The following CSDE1 variants were observed in gnomAD, a reference collection of about 807,000 sequenced individuals.
The protein encoded by CSDE1 is cold shock domain containing E1.
In CSDE1, 17 loss-of-function variants were observed where a neutral mutation model predicts 89.3. The observed-to-expected ratio is 0.19, with a 90% CI of 0.13 to 0.29. The LOEUF (loss-of-function observed/expected upper bound fraction) is 0.29. Among genes scored for constraint, CSDE1 ranks in the 10% least tolerant of loss-of-function variants. The probability of loss-of-function intolerance (pLI) is 1.00; values close to 1 mark genes in which losing one functional copy is unlikely to be tolerated. For synonymous variants in CSDE1, 322 were observed against 332.8 expected (o/e 0.97, Z 0.35); for missense variants, 672 against 984.2 (o/e 0.68, Z 4.24).
intron 4 of CSDE1, 35 bp downstream of exon 4, chr1:114,737,928 G>C (rs750181776): frequency 7.4e-7 from 1 of 1,349,100 alleles, no homozygotes; most frequent in African/African-American, 1.4e-5. Context: ...CAAATGCAGG[G>C]CCCTAAAAAA....
At chr1:114,745,017 A>G (rs1362729384) in intron 2 of CSDE1, among the ~76,000 whole-genome samples, 1 of 151,764 alleles carries the variant, frequency 6.6e-6, no homozygotes, top group African/African-American at 2.4e-5. Context: ...AAAAACTTGA[A>G]TTTTTGCAAT....
chr1:114,737,451 A>G lies in CSDE1; in HGVS notation c.402+20T>C, dbSNP rs1213400464. 3.1e-6 allele frequency: 5 copies of G among 1,587,544 alleles called. No homozygotes were observed. The highest frequency in any genetic ancestry group is 3.5e-6 in the Non-Finnish European group (4 of 1,156,670). On this transcript the variant is annotated intron_variant, in intron 5 of 19. Transcript: ENST00000358528. ...ACATGGTGGATCAGGCAAAGGTTTA[A>G]GAAAAATACACAAGTTTACCCCATT...
chr1:114,753,077 T>C (rs1661393045), intron 1 of CSDE1, among the ~76,000 whole-genome samples: 1 of 152,196 alleles, frequency 6.6e-6, no homozygotes, highest in South Asian at 2.1e-4. Flanking sequence ...AATTATCCAA[T>C]CAAGAAATAA....
intron 15 of CSDE1, 199 bp from the exon 16 acceptor site, chr1:114,724,201 C>T (rs1659678260): frequency 5.3e-6 from 2 of 376,894 alleles, no homozygotes; most frequent in South Asian, 5.5e-5. Flanking sequence ...TACCAAAATG[C>T]CTGCTTTTCC....
intron 6 of CSDE1, among the ~76,000 whole-genome samples, chr1:114,734,797 C>T (rs572948417): frequency 6.6e-6 from 1 of 152,166 alleles, no homozygotes; most frequent in Non-Finnish European, 1.5e-5. Flanking sequence ...TACAAACTTA[C>T]ACATGGGTGC....
At chr1:114,736,356 T>C (rs1409661235) in intron 6 of CSDE1, among the ~76,000 whole-genome samples, 1 of 152,234 alleles carries the variant, frequency 6.6e-6, no homozygotes, top group East Asian at 1.9e-4. Context: ...CATAGAAGAA[T>C]GCTCAAACTT....
intron 10 of CSDE1, among the ~76,000 whole-genome samples, chr1:114,731,326 C>G (rs1660085498): frequency 6.6e-6 from 1 of 151,514 alleles, no homozygotes; most frequent in South Asian, 2.1e-4. Context: ...CTTGCCAAGT[C>G]CTGACAGTAG....
At chr1:114,757,666 C>CACCACCACCACT (rs1661687861) in intron 1 of CSDE1, among the ~76,000 whole-genome samples, 3 of 152,086 alleles carry the variant, frequency 2.0e-5, no homozygotes, top group African/African-American at 2.4e-5. Context: ...CCACTTTAGT[C>CACCACCACCACT]ACCACCACCA....
intron 19 of CSDE1, 52 bp from the exon 20 acceptor site, chr1:114,718,268 CA>C (rs1553245357): frequency 1.3e-6 from 2 of 1,553,082 alleles, no homozygotes; most frequent in Middle Eastern, 3.4e-4. Context: ...GAGCGCACAA[CA>C]ATCATAGTAC....
At chr1:114,726,123 A>G in intron 14 of CSDE1, 88 bp downstream of exon 14, 1 of 1,299,390 alleles carries the variant, frequency 7.7e-7, no homozygotes, top group Non-Finnish European at 1.1e-6. Context: ...CTCAACAAGT[A>G]TAATCAATCA....
At chr1:114,741,316 A>T (rs892240348) in intron 2 of CSDE1, among the ~76,000 whole-genome samples, 1 of 152,212 alleles carries the variant, frequency 6.6e-6, no homozygotes, top group Non-Finnish European at 1.5e-5. Context: ...TTAAGATCCA[A>T]GGTGATAATA....
rs1199513211 is a variant in CSDE1 at position 114,717,661 on chromosome 1, G to GT, written c.*507dup. 1.3e-5 allele frequency: 2 copies of GT among 152,688 alleles called. No homozygotes were observed. Among genetic ancestry groups the GT allele is most frequent in the African/African-American group, 4.8e-5 (2 of 41,424 alleles). 9.5% of individuals were successfully genotyped at this position (152,688 alleles called of 1,614,324 possible). ...AAATGGTTTGCCTATACAAATTTTT[G>GT]TAATTTTTAAAAGATAATATATTCT... On this transcript the variant is annotated 3_prime_UTR_variant, in exon 20 of 20. Coordinates refer to ENST00000358528, the MANE Select transcript of CSDE1 (RefSeq NM_001007553.3).
intron 6 of CSDE1, among the ~76,000 whole-genome samples, chr1:114,735,114 T>A (rs1660327341): frequency 6.6e-6 from 1 of 152,190 alleles, no homozygotes. Flanking sequence ...AGTAATGATA[T>A]CCACCTCCAT....
chr1:114,741,843 A>T (rs569373643), intron 2 of CSDE1, among the ~76,000 whole-genome samples: 132 of 152,312 alleles, frequency 8.7e-4, no homozygotes, highest in African/African-American at 3.1e-3. Flanking sequence ...TATTTTTTTT[A>T]AAGCCATTAA....
intron 7 of CSDE1, 73 bp downstream of exon 7, chr1:114,734,369 C>CA: frequency 8.1e-7 from 1 of 1,234,596 alleles, no homozygotes; most frequent in Non-Finnish European, 1.1e-6. Flanking sequence ...AAAAAAAAAA[C>CA]AAAGGCTGGA....
chr1:114,752,456 A>G (rs1661358204), intron 1 of CSDE1, among the ~76,000 whole-genome samples: 1 of 152,084 alleles, frequency 6.6e-6, no homozygotes. Flanking sequence ...GTTAGGTGCC[A>G]GGCCTTGTTA....
At chr1:114,743,683 T>C (rs1660859203) in intron 2 of CSDE1, among the ~76,000 whole-genome samples, 1 of 152,278 alleles carries the variant, frequency 6.6e-6, no homozygotes, top group African/African-American at 2.4e-5. Flanking sequence ...GAACCAGAAT[T>C]AGAAAGCATC....
intron 1 of CSDE1, among the ~76,000 whole-genome samples, chr1:114,756,319 G>A (rs1194643098): frequency 6.6e-6 from 1 of 152,024 alleles, no homozygotes; most frequent in Non-Finnish European, 1.5e-5. Flanking sequence ...TAGTCCCAGG[G>A]CTAAAACGAA....
At chr1:114,727,831 A>T (rs1659880136) in intron 12 of CSDE1, 2 of 152,130 alleles carry the variant, frequency 1.3e-5, no homozygotes, top group African/African-American at 4.8e-5. Context: ...AAAAAATAAA[A>T]GTCTAAGAAA....
Sources: allele counts gnomAD v4.1 joint callset (sites outside exome capture counted in the v4.1 genomes callset), GRCh38; gene constraint gnomAD v4.1.1; transcripts MANE v1.5; gene names NCBI Gene and HGNC (gene_info 2026-07-23, HGNC 2026-07-21).